Variants in XPO1 observed in about 807,000 individuals in gnomAD.
XPO1 encodes the protein exportin 1.
Under a neutral mutation model 133.3 loss-of-function variants are expected in XPO1, and 5 were observed. The ratio of observed to expected loss-of-function variants is 0.04; its 90% CI spans 0.02 to 0.08. The LOEUF (loss-of-function observed/expected upper bound fraction) is 0.08. Ranked by LOEUF, XPO1 falls within the 10% of genes least tolerant of loss-of-function variation. The probability of loss-of-function intolerance (pLI) is 1.00; values close to 1 mark genes in which losing one functional copy is unlikely to be tolerated. For synonymous variants in XPO1, 419 were observed against 408.2 expected (o/e 1.03, Z -0.32); for missense variants, 506 against 1,267.5 (o/e 0.40, Z 9.12).
chr2:61,535,804 A>G (rs1011501021), intron 1 of XPO1, among the ~76,000 whole-genome samples: 13 of 152,282 alleles, frequency 8.5e-5, no homozygotes, highest in African/African-American at 3.1e-4. Context: ...CCACAAAAAA[A>G]CCTTAAGATC....
In XPO1 at chr2:61,488,538, G is replaced by A. The variant is rs372170792; in HGVS notation, c.2206+50C>T. On this transcript the variant is annotated intron_variant, in intron 18 of 24. Coordinates refer to ENST00000401558, the MANE Select transcript of XPO1 (RefSeq NM_003400.4). Reference sequence around the variant, plus strand: ...AAATGTTTGACTTAAGGCAGTAGAAGAGAAGTGGTTTGTTTATACTGCATT... The same window carrying A: ...AAATGTTTGACTTAAGGCAGTAGAAAAGAAGTGGTTTGTTTATACTGCATT... 3.9e-6 allele frequency: 6 copies of A among 1,532,250 alleles called. No homozygotes were observed. In the African/African-American group the frequency reaches 4.2e-5, roughly 11 times the overall value. The allele number at this position is 1,532,250 out of a possible 1,614,324, so 94.9% of individuals were successfully genotyped here.
chr2:61,496,764 A>C, intron 10 of XPO1, 115 bp downstream of exon 10: 1 of 1,205,100 alleles, frequency 8.3e-7, no homozygotes. Flanking sequence ...TTATGTAATA[A>C]ACAAAAGATT....
chr2:61,519,154 T>C (rs958704493), intron 4 of XPO1, among the ~76,000 whole-genome samples: 4 of 152,124 alleles, frequency 2.6e-5, no homozygotes, highest in African/African-American at 7.2e-5. Context: ...TTTCTCCATG[T>C]TGGTAAGACT....
At chr2:61,483,232 G>T in intron 21 of XPO1, 141 bp from the exon 22 acceptor site, 1 of 860,746 alleles carries the variant, frequency 1.2e-6, no homozygotes. Context: ...CTTGCATAAG[G>T]TTTCTTAAAT....
intron 6 of XPO1, among the ~76,000 whole-genome samples, chr2:61,500,336 T>G (rs916146727): frequency 6.6e-6 from 1 of 151,762 alleles, no homozygotes; most frequent in Non-Finnish European, 1.5e-5. Context: ...ATCCCAGCAC[T>G]TTGGGAGGCC....
chr2:61,515,931 A>C (rs1254123785), intron 4 of XPO1, among the ~76,000 whole-genome samples: 1 of 125,276 alleles, frequency 8.0e-6, no homozygotes, highest in Non-Finnish European at 1.7e-5. Flanking sequence ...AAAAAAAAAA[A>C]AAAAACCACA....
At chr2:61,489,361 C>T (rs1452800130) in intron 17 of XPO1, among the ~76,000 whole-genome samples, 6 of 148,844 alleles carry the variant, frequency 4.0e-5, no homozygotes, top group African/African-American at 1.2e-4. Flanking sequence ...TGCAGTGAGC[C>T]GAGATCACGC....
At chr2:61,502,450 G>A in intron 4 of XPO1, 140 bp from the exon 5 acceptor site, 1 of 839,032 alleles carries the variant, frequency 1.2e-6, no homozygotes, top group Non-Finnish European at 1.8e-6. Context: ...ACCAGTATTG[G>A]CATTTTAAAA....
At chr2:61,525,998 CATTAG>C in intron 3 of XPO1, 1 of 1,061,300 alleles carries the variant, frequency 9.4e-7, no homozygotes, top group Non-Finnish European at 1.1e-6. Flanking sequence ...AGTGCTGTCC[CATTAG>C]AAGCCCAATG....
chr2:61,514,470 G>C (rs1448092832), intron 4 of XPO1, among the ~76,000 whole-genome samples: 1 of 151,726 alleles, frequency 6.6e-6, no homozygotes, highest in East Asian at 1.9e-4. Flanking sequence ...GCACATGCCT[G>C]TAGTCTCAGC....
chr2:61,488,860 G>C, intron 17 of XPO1, 89 bp from the exon 18 acceptor site: 1 of 1,417,122 alleles, frequency 7.1e-7, no homozygotes, highest in Admixed American at 2.0e-5. Context: ...CCAGCACTCT[G>C]AGAGGCCGAG....
intron 4 of XPO1, among the ~76,000 whole-genome samples, chr2:61,508,365 C>G (rs927752129): frequency 6.6e-6 from 1 of 152,178 alleles, no homozygotes; most frequent in Non-Finnish European, 1.5e-5. Context: ...GTAAATGTTC[C>G]AAATGCAAGG....
At chr2:61,521,364 T>C (rs761480318) in intron 4 of XPO1, among the ~76,000 whole-genome samples, 5 of 152,098 alleles carry the variant, frequency 3.3e-5, no homozygotes, top group Admixed American at 6.6e-5. Context: ...TCAAAGAAAT[T>C]AGACATATTT....
At position 61,485,960 on chromosome 2, in the gene XPO1, G is replaced by A. The variant is rs568394402; in HGVS notation, c.2316C>T (p.Val772=). 8.1e-6 allele frequency: 13 copies of A among 1,606,178 alleles called. 1 individual carries two copies. In the Middle Eastern group the frequency reaches 5.0e-4, roughly 61 times the overall value. Residue 772 remains valine, a splice_region_variant and synonymous_variant, in exon 20 of 25, where the codon GTC becomes GTT. Coordinates refer to ENST00000401558, the MANE Select transcript of XPO1 (RefSeq NM_003400.4). ...ACAGAGGGGGAACAAAATTTTCAGC[G>A]ACCTGTTGGGGAGGGAAAAAAAAGT... ...WVSRSNDPQM[V]AENFVPPLLD... is the part of the protein sequence containing the mutation.
Position 61,483,984 on chromosome 2 carries a change from G to C in XPO1, c.2630C>G (p.Ser877Cys), listed in dbSNP as rs1696543915. 2 of 1,613,652 alleles carry C rather than the reference G, an allele frequency of 1.2e-6. No individual in the cohort carries two copies. The part of the protein sequence containing the change: ...PPTQFKLVLD[S>C]IIWAFKHTMR... The stretch of plus-strand genomic sequence containing the variant: ...AGTATGTTTGAAAGCCCAAATGATG[G>C]AATCCAAAACAAGTTTAAACTGTGT... The change falls in exon 21 of 25, where the codon TCC becomes TGC. Residue 877 changes from serine to cysteine, a missense_variant. Around this residue, in one of 6 missense-constraint regions of XPO1, gnomAD observed 203 missense variants for 365.9 expected, o/e 0.55. Transcript: ENST00000401558.
At chr2:61,518,759 C>A (rs1373410008) in intron 4 of XPO1, among the ~76,000 whole-genome samples, 2 of 152,026 alleles carry the variant, frequency 1.3e-5, no homozygotes, top group Admixed American at 6.6e-5. Flanking sequence ...GTGTGAGGGA[C>A]AAAACACATA....
intron 9 of XPO1, 105 bp from the exon 10 acceptor site, chr2:61,497,112 G>C (rs1029494081): frequency 2.1e-6 from 3 of 1,399,216 alleles, no homozygotes; most frequent in Admixed American, 2.6e-5. Flanking sequence ...AAATATAGGG[G>C]TAGATGTCAA....
chr2:61,517,811 C>T (rs1316538749), intron 4 of XPO1, among the ~76,000 whole-genome samples: 1 of 151,858 alleles, frequency 6.6e-6, no homozygotes, highest in Non-Finnish European at 1.5e-5. Context: ...CATGGTGGTG[C>T]GGACCTACAG....
At chr2:61,526,625 G>C (rs1698913550) in intron 2 of XPO1, 104 bp from the exon 3 acceptor site, 1 of 783,366 alleles carries the variant, frequency 1.3e-6, no homozygotes, top group Non-Finnish European at 1.8e-6. Context: ...ATTGGACAGA[G>C]ATTCTATTAT....
Sources: gnomAD v4.1 joint callset for allele counts (sites outside exome capture counted in the v4.1 genomes callset) on GRCh38, gnomAD v4.1.1 for gene constraint, gnomAD v4.1.1 regional missense constraint, MANE v1.5 for transcripts, NCBI Gene and HGNC (gene_info 2026-07-23, HGNC 2026-07-21) for gene names.